The following IL1RAP variants were observed in gnomAD, a reference collection of about 807,000 sequenced individuals.
IL1RAP encodes the protein interleukin 1 receptor accessory protein, also known as interleukin-1 receptor accessory protein.
In IL1RAP, 35 loss-of-function variants were observed where a neutral mutation model predicts 60.7. The observed-to-expected ratio is 0.58, with a 90% CI of 0.44 to 0.76. The LOEUF is 0.76. Among genes scored for constraint, IL1RAP ranks in the 30% least tolerant of loss-of-function variants. The probability of loss-of-function intolerance (pLI) is 0.00; values close to 1 mark genes in which losing one functional copy is unlikely to be tolerated. For synonymous variants in IL1RAP, 268 were observed against 250.9 expected (o/e 1.07, Z -0.64); for missense variants, 572 against 693.9 (o/e 0.82, Z 1.97).
chr3:190,553,627 C>G (rs573583939), intron 1 of IL1RAP, among the ~76,000 whole-genome samples: 25 of 152,142 alleles, frequency 1.6e-4, no homozygotes, highest in Non-Finnish European at 3.2e-4. Flanking sequence ...GCCGTTTGCC[C>G]GTCCATCCGG....
At chr3:190,574,239 G>A (rs3773971) in intron 3 of IL1RAP, among the ~76,000 whole-genome samples, 118,537 of 151,846 alleles carry the variant, frequency 0.78, 46,336 homozygotes, top group Middle Eastern at 0.9. Flanking sequence ...AAATTTCAAG[G>A]TGATTTGCTT....
At chr3:190,645,569 C>G (rs1226926119) in intron 10 of IL1RAP, 130 bp from the exon 11 acceptor site, 2 of 686,672 alleles carry the variant, frequency 2.9e-6, no homozygotes, top group Non-Finnish European at 4.9e-6. Flanking sequence ...AGACTTGTTG[C>G]AAGTAGAAAA....
At chr3:190,602,677 G>A (rs1391518966) in intron 3 of IL1RAP, among the ~76,000 whole-genome samples, 1 of 152,124 alleles carries the variant, frequency 6.6e-6, no homozygotes, top group African/African-American at 2.4e-5. Flanking sequence ...TATTCCATTG[G>A]ATGTAATTAA....
intron 1 of IL1RAP, among the ~76,000 whole-genome samples, chr3:190,545,131 G>C (rs907175607): frequency 1.3e-5 from 2 of 152,180 alleles, no homozygotes; most frequent in African/African-American, 4.8e-5. Context: ...TGTGTTAACA[G>C]AGCTGCTACA....
intron 1 of IL1RAP, among the ~76,000 whole-genome samples, chr3:190,514,634 C>A (rs1312827343): frequency 6.6e-6 from 1 of 151,964 alleles, no homozygotes; most frequent in Non-Finnish European, 1.5e-5. Flanking sequence ...CACGCCCACT[C>A]GGTATCACGT....
intron 1 of IL1RAP, among the ~76,000 whole-genome samples, chr3:190,529,747 G>C (rs1333054243): frequency 6.6e-6 from 1 of 151,232 alleles, no homozygotes; most frequent in African/African-American, 2.4e-5. Flanking sequence ...CCAGCTACTC[G>C]GGAGGCTGAG....
At chr3:190,637,291 G>C (rs1398038978) in intron 9 of IL1RAP, among the ~76,000 whole-genome samples, 3 of 151,874 alleles carry the variant, frequency 2.0e-5, no homozygotes, top group African/African-American at 7.3e-5. Context: ...TACATCTGCT[G>C]GTGACAAATT....
rs530869802 is a variant in IL1RAP, at chr3:190,523,976, T to C, written c.-89+9757T>C. Reference sequence around the variant, plus strand: ...CCACAATGGTTGAACTGATTTGTACTCCCAGCAACAGTGTATAGTGTTCCT... The same window carrying C: ...CCACAATGGTTGAACTGATTTGTACCCCCAGCAACAGTGTATAGTGTTCCT... On this transcript the variant is annotated intron_variant, in intron 1 of 11. Transcript: ENST00000447382. Among the ~76,000 whole-genome samples the C allele has an allele frequency of 2.6e-5, 4 of 152,328 alleles. No individual in the cohort carries two copies. The South Asian group carries it at 6.2e-4, about 24-fold the overall frequency.
intron 1 of IL1RAP, among the ~76,000 whole-genome samples, chr3:190,531,527 TC>T (rs1360638773): frequency 3.9e-5 from 6 of 152,196 alleles, no homozygotes; most frequent in Non-Finnish European, 7.3e-5. Context: ...ATTAGGGCAT[TC>T]CATAAGTCTT....
intron 1 of IL1RAP, among the ~76,000 whole-genome samples, chr3:190,544,258 A>G (rs951779149): frequency 8.5e-5 from 13 of 152,062 alleles, no homozygotes; most frequent in Non-Finnish European, 1.5e-4. Flanking sequence ...CTTTTTCTGG[A>G]TGGTGTCTTA....
intron 2 of IL1RAP, chr3:190,563,624 T>C (rs1726104365): frequency 6.6e-6 from 1 of 152,218 alleles, no homozygotes. Flanking sequence ...CCTCATCATT[T>C]CTGTCTTCCA....
intron 3 of IL1RAP, among the ~76,000 whole-genome samples, chr3:190,577,470 C>G (rs1727593653): frequency 1.3e-5 from 2 of 152,160 alleles, no homozygotes; most frequent in African/African-American, 4.8e-5. Context: ...TTGTCATCAT[C>G]AACCCCCGGC....
rs998363576 is a variant in IL1RAP, at chr3:190,565,914, T to G, written c.64+1561T>G. Reference sequence around the variant, plus strand: ...TCCCTCCATCCTGTTTTAGTTTTCTTTGTAACACTCACATTCCCTGATATT... The same window carrying G: ...TCCCTCCATCCTGTTTTAGTTTTCTGTGTAACACTCACATTCCCTGATATT... On this transcript the variant is annotated intron_variant, in intron 3 of 11. Coordinates refer to ENST00000447382, the MANE Select transcript of IL1RAP (RefSeq NM_002182.4). Among the ~76,000 whole-genome samples the G allele has an allele frequency of 2.0e-5, 3 of 152,276 alleles. No homozygotes were observed. In the South Asian group the frequency reaches 6.2e-4, roughly 32 times the overall value.
chr3:190,599,410 C>T (rs967906650), intron 3 of IL1RAP, among the ~76,000 whole-genome samples: 5 of 151,758 alleles, frequency 3.3e-5, no homozygotes, highest in East Asian at 1.9e-4. Flanking sequence ...TCAGATGCAT[C>T]GCTTCATTAT....
At position 190,541,357 on chromosome 3, in the gene IL1RAP, A is replaced by T. The variant is rs1202330592; in HGVS notation, c.-88-14773A>T. On this transcript the variant is annotated intron_variant, in intron 1 of 11. Transcript: ENST00000447382. ...CAGTAATTGCAAGTTGGCCAAAGTA[A>T]ATGCTCTGAGAAAAAGAAAGAAGGT... is the stretch of plus-strand genomic sequence containing the variant. 2.6e-5 allele frequency among the ~76,000 whole-genome samples: 4 copies of T among 152,268 alleles called. No homozygotes were observed. The East Asian group carries it at 7.7e-4, about 29-fold the overall frequency.
chr3:190,649,483 C>CA lies in IL1RAP; in HGVS notation c.*779dup. On this transcript the variant is annotated 3_prime_UTR_variant, in exon 12 of 12. Transcript: ENST00000447382. ...CTCATTTAGAGTTTGCAGGAGGCTC[C>CA]ATACTAGGTTCAGTCTGAAAGAAAT... 1 of 985,792 alleles carries CA rather than the reference C, an allele frequency of 1.0e-6. No individual in the cohort carries two copies. The highest frequency in any genetic ancestry group is 1.2e-6 in the Non-Finnish European group (1 of 829,910). The allele number at this position is 985,792 out of a possible 1,614,324, so 61.1% of individuals were successfully genotyped here.
intron 3 of IL1RAP, among the ~76,000 whole-genome samples, chr3:190,570,883 A>G (rs1048088044): frequency 5.3e-5 from 8 of 152,064 alleles, no homozygotes; most frequent in Non-Finnish European, 1.2e-4. Flanking sequence ...TTTAAGGTTT[A>G]TAGTAGTGTT....
At chr3:190,614,423 C>T (rs1369462020) in intron 5 of IL1RAP, among the ~76,000 whole-genome samples, 1 of 152,016 alleles carries the variant, frequency 6.6e-6, no homozygotes, top group Non-Finnish European at 1.5e-5. Flanking sequence ...AACACCAGCT[C>T]TGCAAGGGAG....
At position 190,517,653 on chromosome 3, in the gene IL1RAP, C is replaced by T. The variant is rs188293159; in HGVS notation, c.-89+3434C>T. ...TGTAGCAAGCACACAGGCTTGCAAA[C>T]GCAGATGTAGAAGGAACATTTTGCT... is the stretch of plus-strand genomic sequence containing the variant. On this transcript the variant is annotated intron_variant, in intron 1 of 11. Transcript: ENST00000447382. Among the ~76,000 whole-genome samples, 226 of 152,296 alleles carry T rather than the reference C, an allele frequency of 1.5e-3. 2 individuals are homozygous for T. Among genetic ancestry groups the T allele is most frequent in the African/African-American group, 5.1e-3 (210 of 41,566 alleles).
Sources: gnomAD v4.1 joint callset for allele counts (sites outside exome capture counted in the v4.1 genomes callset) on GRCh38, gnomAD v4.1.1 for gene constraint, MANE v1.5 for transcripts, NCBI Gene and HGNC (gene_info 2026-07-23, HGNC 2026-07-21) for gene names.